CNTNAP2: variants seen among roughly 807,000 people sequenced by gnomAD.
The protein encoded by CNTNAP2 is contactin-associated protein-like 2.
Under a neutral mutation model 155.2 loss-of-function variants are expected in CNTNAP2, and 98 were observed. That is an observed-to-expected ratio of 0.63 (90% CI 0.54 to 0.75). The LOEUF (loss-of-function observed/expected upper bound fraction) is 0.75. Ranked by LOEUF, CNTNAP2 falls within the 30% of genes least tolerant of loss-of-function variation. CNTNAP2 has a pLI of 0.00. For synonymous variants in CNTNAP2, 651 were observed against 631.2 expected (o/e 1.03, Z -0.47); for missense variants, 1,727 against 1,688.1 (o/e 1.02, Z -0.40).
At chr7:148,373,863 C>T (rs918339051) in intron 21 of CNTNAP2, among the ~76,000 whole-genome samples, 6 of 152,138 alleles carry the variant, frequency 3.9e-5, no homozygotes, top group Non-Finnish European at 7.4e-5. Context: ...GACTGTGTCC[C>T]TTGGTGGCAT....
In CNTNAP2 at chr7:147,417,315, G is replaced by A. The variant is rs548136232; in HGVS notation, c.1670+21535G>A. 3.5e-4 allele frequency among the ~76,000 whole-genome samples: 53 copies of A among 152,270 alleles called. No individual in the cohort carries two copies. In the South Asian group the frequency reaches 5.0e-3, roughly 14 times the overall value. On this transcript the variant is annotated intron_variant, in intron 10 of 23. Transcript: ENST00000361727. Reference sequence around the variant, plus strand: ...AGGCTGGGAAGCCTGAGTTGAAAGCGCTGGCAGATCTGGCATCTGGTGAAG... The same window carrying A: ...AGGCTGGGAAGCCTGAGTTGAAAGCACTGGCAGATCTGGCATCTGGTGAAG...
intron 1 of CNTNAP2, among the ~76,000 whole-genome samples, chr7:146,659,134 G>A (rs1053617433): frequency 6.6e-6 from 1 of 152,164 alleles, no homozygotes; most frequent in African/African-American, 2.4e-5. Flanking sequence ...GTTGGCAAGG[G>A]AGTCTTAGAA....
chr7:147,459,604 G>C (rs1420730722), intron 10 of CNTNAP2, among the ~76,000 whole-genome samples: 1 of 152,108 alleles, frequency 6.6e-6, no homozygotes, highest in Admixed American at 6.5e-5. Context: ...AGGATAGAGA[G>C]GAAAGAAGAT....
chr7:146,548,427 TAC>T (rs1396061936), intron 1 of CNTNAP2, among the ~76,000 whole-genome samples: 1 of 152,048 alleles, frequency 6.6e-6, no homozygotes, highest in Non-Finnish European at 1.5e-5. Flanking sequence ...GCAAAGAATA[TAC>T]ACTTTTGACT....
In CNTNAP2 at chr7:148,165,089, T is replaced by C. The variant is rs183193426; in HGVS notation, c.2774-7153T>C. On this transcript the variant is annotated intron_variant, in intron 17 of 23. Transcript: ENST00000361727. ...CTTGGGCTGCCCTAACAGAATACCA[T>C]AGTCTGGTGGCTTAAACAATAAACA... is the stretch of plus-strand genomic sequence containing the variant. Among the ~76,000 whole-genome samples the C allele has an allele frequency of 2.5e-3, 382 of 152,274 alleles. 5 individuals carry two copies. The highest frequency in any genetic ancestry group is 1.9e-3 in the Non-Finnish European group (132 of 68,016).
intron 1 of CNTNAP2, among the ~76,000 whole-genome samples, chr7:146,242,610 T>C (rs1402924056): frequency 6.6e-6 from 1 of 151,322 alleles, no homozygotes; most frequent in Non-Finnish European, 1.5e-5. Context: ...ATAGAGTAAA[T>C]TAAGAATCTA....
At chr7:146,350,492 C>A (rs1019409975) in intron 1 of CNTNAP2, among the ~76,000 whole-genome samples, 2 of 151,996 alleles carry the variant, frequency 1.3e-5, no homozygotes, top group Non-Finnish European at 1.5e-5. Flanking sequence ...CCATCTCACA[C>A]CAGTTAGAAT....
chr7:146,384,210 G>A (rs1219364026), intron 1 of CNTNAP2, among the ~76,000 whole-genome samples: 1 of 152,208 alleles, frequency 6.6e-6, no homozygotes, highest in African/African-American at 2.4e-5. Context: ...AGTGAATTGT[G>A]TGCTCCTCTT....
At chr7:147,933,846 G>A (rs938183794) in intron 14 of CNTNAP2, among the ~76,000 whole-genome samples, 1 of 152,110 alleles carries the variant, frequency 6.6e-6, no homozygotes, top group African/African-American at 2.4e-5. Flanking sequence ...CTGGGCAACA[G>A]AGTGAGACTC....
At chr7:148,113,867 T>G (rs1029376243) in intron 15 of CNTNAP2, among the ~76,000 whole-genome samples, 1 of 152,216 alleles carries the variant, frequency 6.6e-6, no homozygotes, top group African/African-American at 2.4e-5. Context: ...CCTCTCTACC[T>G]GCCTCATTAT....
intron 1 of CNTNAP2, among the ~76,000 whole-genome samples, chr7:146,666,732 T>C (rs1310254582): frequency 3.9e-5 from 6 of 152,166 alleles, no homozygotes; most frequent in African/African-American, 1.4e-4. Context: ...TTTTAATTTG[T>C]ATTTCCCTGA....
At chr7:147,122,971 TTAAA>T (rs1801151866) in intron 6 of CNTNAP2, 2 of 152,168 alleles carry the variant, frequency 1.3e-5, no homozygotes. Flanking sequence ...ATCTTTATGT[TTAAA>T]TAGTTTCTAG....
chr7:147,538,992 A>T (rs116212086), intron 11 of CNTNAP2, among the ~76,000 whole-genome samples: 1 of 152,142 alleles, frequency 6.6e-6, no homozygotes, highest in African/African-American at 2.4e-5. Flanking sequence ...AACAGCTTAT[A>T]CAGGGGCTGA....
chr7:146,972,014 T>G (rs555234876), intron 3 of CNTNAP2, among the ~76,000 whole-genome samples: 1 of 152,300 alleles, frequency 6.6e-6, no homozygotes, highest in African/African-American at 2.4e-5. Context: ...CCATCTGTAC[T>G]TGAATTTTCT....
At chr7:148,056,806 G>A (rs1450220341) in intron 15 of CNTNAP2, 6 of 152,172 alleles carry the variant, frequency 3.9e-5, no homozygotes, top group Non-Finnish European at 7.3e-5. Flanking sequence ...ATGATCGTTC[G>A]TGTTGGCGTC....
At chr7:146,921,499 G>T (rs1407955916) in intron 3 of CNTNAP2, among the ~76,000 whole-genome samples, 1 of 152,048 alleles carries the variant, frequency 6.6e-6, no homozygotes, top group African/African-American at 2.4e-5. Context: ...TTTTAAAATA[G>T]GGGTTTAATC....
intron 4 of CNTNAP2, among the ~76,000 whole-genome samples, chr7:147,048,355 C>T (rs572683985): frequency 6.6e-6 from 1 of 151,000 alleles, no homozygotes; most frequent in East Asian, 1.9e-4. Flanking sequence ...AGGCCAGCAG[C>T]TCAAAAGGCA....
intron 3 of CNTNAP2, among the ~76,000 whole-genome samples, chr7:146,863,730 C>T (rs1021735312): frequency 7.2e-5 from 11 of 151,980 alleles, no homozygotes; most frequent in African/African-American, 2.4e-4. Context: ...TACTAGTTCC[C>T]AAATAGAAGC....
At chr7:147,737,019 A>T (rs541213987) in intron 13 of CNTNAP2, among the ~76,000 whole-genome samples, 8 of 152,102 alleles carry the variant, frequency 5.3e-5, no homozygotes, top group Admixed American at 2.0e-4. Flanking sequence ...TCTTCTCTCA[A>T]CTCATCAAAG....
Sources: allele counts gnomAD v4.1 joint callset (sites outside exome capture counted in the v4.1 genomes callset), GRCh38; gene constraint gnomAD v4.1.1; transcripts MANE v1.5; gene names NCBI Gene and HGNC (gene_info 2026-07-23, HGNC 2026-07-21).